COL25A1: variants seen among roughly 807,000 people sequenced by gnomAD.
COL25A1 encodes collagen alpha-1(XXV) chain.
A neutral mutation model predicts 128.4 loss-of-function variants in COL25A1; 103 were observed. That is an observed-to-expected ratio of 0.80 (90% CI 0.68 to 0.94). The LOEUF is 0.94. Among genes scored for constraint, COL25A1 ranks in the 40% least tolerant of loss-of-function variants. COL25A1 has a pLI of 0.00. For synonymous variants in COL25A1, 279 were observed against 277.2 expected, an observed-to-expected ratio of 1.01 and a Z score of -0.06; for missense variants, 745 against 840.0, an observed-to-expected ratio of 0.89 and a Z score of 1.40.
chr4:109,282,548 G>A (rs558392582), intron 3 of COL25A1, among the ~76,000 whole-genome samples: 1 of 152,282 alleles, frequency 6.6e-6, no homozygotes, highest in Admixed American at 6.5e-5. Context: ...ATTCTGAGAA[G>A]TTGTCATTTA....
chr4:109,160,133 T>C (rs551476894), intron 3 of COL25A1, among the ~76,000 whole-genome samples: 1 of 152,344 alleles, frequency 6.6e-6, no homozygotes, highest in Non-Finnish European at 1.5e-5. Flanking sequence ...AATAAAGCTA[T>C]GACCAAAGTT....
At chr4:109,160,566 GC>G (rs1772467545) in intron 3 of COL25A1, among the ~76,000 whole-genome samples, 1 of 152,148 alleles carries the variant, frequency 6.6e-6, no homozygotes, top group Admixed American at 6.5e-5. Context: ...TCATGGATAA[GC>G]CACTACTACC....
intron 5 of COL25A1, among the ~76,000 whole-genome samples, chr4:109,018,305 A>T (rs943928982): frequency 2.0e-5 from 3 of 151,756 alleles, no homozygotes; most frequent in African/African-American, 7.3e-5. Context: ...GCTCACTGCA[A>T]CCTCCACCTC....
intron 3 of COL25A1, among the ~76,000 whole-genome samples, chr4:109,123,265 A>T (rs1768274459): frequency 6.6e-6 from 1 of 151,966 alleles, no homozygotes; most frequent in South Asian, 2.1e-4. Flanking sequence ...CAGCAGCCAT[A>T]AAAATAAGGA....
intron 19 of COL25A1, among the ~76,000 whole-genome samples, chr4:108,873,141 C>T (rs557303023): frequency 6.6e-6 from 1 of 152,260 alleles, no homozygotes; most frequent in Non-Finnish European, 1.5e-5. Context: ...AATCCTCCTG[C>T]CTTTGCCTCC....
At chr4:109,113,178 T>TG (rs1340033424) in intron 3 of COL25A1, among the ~76,000 whole-genome samples, 2 of 152,104 alleles carry the variant, frequency 1.3e-5, no homozygotes, top group Non-Finnish European at 2.9e-5. Flanking sequence ...CTGATCTCTT[T>TG]GGGAAAAAAA....
chr4:108,827,198 A>G lies in COL25A1; in HGVS notation c.1711-10T>C, dbSNP rs758960274. The G allele has an allele frequency of 1.9e-6, 3 of 1,613,222 alleles. No homozygotes were observed. The highest frequency in any genetic ancestry group is 2.5e-6 in the Non-Finnish European group (3 of 1,179,456). Reference sequence around the variant, plus strand: ...TAGCTCCTTTTTCACCCTAAAATGAAAAGTAGAAAGTTCAAATCATACACA... The same window carrying G: ...TAGCTCCTTTTTCACCCTAAAATGAGAAGTAGAAAGTTCAAATCATACACA... On this transcript the variant is annotated splice_polypyrimidine_tract_variant and intron_variant, in intron 32 of 37. Transcript: ENST00000399132.
At chr4:108,817,075 G>C (rs1280331587) in intron 37 of COL25A1, among the ~76,000 whole-genome samples, 1 of 152,058 alleles carries the variant, frequency 6.6e-6, no homozygotes, top group East Asian at 1.9e-4. Context: ...AATAGAAAAA[G>C]AATCACAATT....
intron 3 of COL25A1, among the ~76,000 whole-genome samples, chr4:109,158,143 C>T: frequency 6.6e-6 from 1 of 152,088 alleles, no homozygotes; most frequent in South Asian, 2.1e-4. Flanking sequence ...ACTTTAAATG[C>T]TTTGCAGCAT....
intron 33 of COL25A1, among the ~76,000 whole-genome samples, chr4:108,826,482 G>A (rs924365601): frequency 1.3e-5 from 2 of 152,086 alleles, no homozygotes; most frequent in Non-Finnish European, 2.9e-5. Context: ...AGGTTGCAGT[G>A]AGCCAAGATC....
intron 3 of COL25A1, among the ~76,000 whole-genome samples, chr4:109,119,026 T>C (rs1366863163): frequency 6.6e-6 from 1 of 151,822 alleles, no homozygotes; most frequent in East Asian, 1.9e-4. Flanking sequence ...TGCTGGCAGA[T>C]AACAATGGAA....
At chr4:109,293,643 G>T (rs568703054) in intron 3 of COL25A1, among the ~76,000 whole-genome samples, 1 of 152,008 alleles carries the variant, frequency 6.6e-6, no homozygotes, top group Non-Finnish European at 1.5e-5. Context: ...TGATTAACAC[G>T]CAAATGAACA....
intron 3 of COL25A1, among the ~76,000 whole-genome samples, chr4:109,058,678 T>C (rs1191677500): frequency 6.6e-6 from 1 of 152,252 alleles, no homozygotes; most frequent in Non-Finnish European, 1.5e-5. Context: ...GATTTGTTTT[T>C]ATTAATGGCT....
At chr4:109,094,196 T>G (rs1211028029) in intron 3 of COL25A1, among the ~76,000 whole-genome samples, 1 of 152,226 alleles carries the variant, frequency 6.6e-6, no homozygotes, top group Non-Finnish European at 1.5e-5. Context: ...CCATTGTCAG[T>G]TGCATAAAAA....
chr4:108,968,363 T>C (rs1751551865), intron 8 of COL25A1, among the ~76,000 whole-genome samples: 2 of 152,168 alleles, frequency 1.3e-5, no homozygotes. Context: ...CCACTCTCAC[T>C]ACTTAACAAA....
At chr4:109,219,065 A>G (rs1778245433) in intron 3 of COL25A1, among the ~76,000 whole-genome samples, 1 of 152,134 alleles carries the variant, frequency 6.6e-6, no homozygotes, top group South Asian at 2.1e-4. Context: ...ATTTAAATTT[A>G]TATTAATGAG....
rs924628421 is a variant in COL25A1, at chr4:108,852,348, G to A, written c.1345-68C>T. ...TGTATTAAAATTCATACCTTAAATA[G>A]GCACACTATACACCTTCCTTATTTC... On this transcript the variant is annotated intron_variant, in intron 25 of 37. Transcript: ENST00000399132. The A allele has an allele frequency of 8.0e-6, 9 of 1,128,756 alleles. No homozygotes were observed. The African/African-American group carries it at 1.5e-4, about 18-fold the overall frequency. 69.9% of individuals were successfully genotyped at this position (1,128,756 alleles called of 1,614,324 possible).
At chr4:108,983,853 G>A (rs545323647) in intron 6 of COL25A1, among the ~76,000 whole-genome samples, 6 of 152,278 alleles carry the variant, frequency 3.9e-5, no homozygotes, top group Admixed American at 1.3e-4. Flanking sequence ...TGGCAGTGTG[G>A]ACCCGAAGAG....
chr4:109,195,938 T>C (rs78666449), intron 3 of COL25A1, among the ~76,000 whole-genome samples: 8,192 of 152,306 alleles, frequency 0.054, 295 homozygotes, highest in Non-Finnish European at 0.083. Flanking sequence ...GCTCCCAGTA[T>C]AGGGACTTCC....
Sources: allele counts gnomAD v4.1 joint callset (sites outside exome capture counted in the v4.1 genomes callset), GRCh38; gene constraint gnomAD v4.1.1; transcripts MANE v1.5; gene names NCBI Gene and HGNC (gene_info 2026-07-23, HGNC 2026-07-21).